The following DYRK1A variants were observed in gnomAD, a reference collection of about 807,000 sequenced individuals.
The protein encoded by DYRK1A is dual specificity tyrosine-phosphorylation-regulated kinase 1A.
In DYRK1A, 9 loss-of-function variants were observed where a neutral mutation model predicts 79.7. That is an observed-to-expected ratio of 0.11 (90% CI 0.07 to 0.20). DYRK1A has a LOEUF of 0.20. DYRK1A is among the 10% of genes least tolerant of loss of function. The pLI is 1.00. For missense variants in DYRK1A, 622 were observed against 956.0 expected (o/e 0.65, Z 4.61); for synonymous variants, 349 against 329.7 (o/e 1.06, Z -0.63).
intron 7 of DYRK1A, among the ~76,000 whole-genome samples, chr21:37,491,438 C>T (rs948530017): frequency 7.2e-5 from 11 of 152,082 alleles, no homozygotes; most frequent in Non-Finnish European, 1.3e-4. Flanking sequence ...GTTAATTTTT[C>T]TTACTGACTT....
chr21:37,400,602 A>G (rs754845638), intron 1 of DYRK1A, among the ~76,000 whole-genome samples: 6 of 152,202 alleles, frequency 3.9e-5, no homozygotes, highest in African/African-American at 1.4e-4. Context: ...TCTGTTTTTT[A>G]TAACAATGGT....
chr21:37,384,809 C>A (rs2049728307), intron 1 of DYRK1A, among the ~76,000 whole-genome samples: 1 of 152,080 alleles, frequency 6.6e-6, no homozygotes, highest in African/African-American at 2.4e-5. Flanking sequence ...AGACCCAGAT[C>A]AAACTTTTAG....
intron 2 of DYRK1A, among the ~76,000 whole-genome samples, chr21:37,438,251 C>G (rs1020912466): frequency 1.3e-5 from 2 of 152,118 alleles, no homozygotes; most frequent in African/African-American, 4.8e-5. Flanking sequence ...AGCTTTTCTC[C>G]TAGTCCATGG....
intron 1 of DYRK1A, among the ~76,000 whole-genome samples, chr21:37,413,407 A>G (rs2050278142): frequency 6.6e-6 from 1 of 152,128 alleles, no homozygotes; most frequent in Non-Finnish European, 1.5e-5. Context: ...TACATTTTAT[A>G]TATAAATTAT....
At chr21:37,498,806 G>A (rs555552360) in intron 9 of DYRK1A, among the ~76,000 whole-genome samples, 13 of 152,268 alleles carry the variant, frequency 8.5e-5, no homozygotes, top group South Asian at 8.3e-4. Flanking sequence ...TTCCAGTTGC[G>A]TGACATCCTC....
chr21:37,392,582 C>T (rs1047126895), intron 1 of DYRK1A, among the ~76,000 whole-genome samples: 18 of 152,288 alleles, frequency 1.2e-4, no homozygotes, highest in African/African-American at 3.9e-4. Context: ...TGCCTCTTGC[C>T]GTGTCCTCAC....
At position 37,435,698 on chromosome 21, in the gene DYRK1A, C is replaced by T. The variant is rs180934968; in HGVS notation, c.10+15314C>T. On this transcript the variant is annotated intron_variant, in intron 2 of 11. Coordinates refer to ENST00000647188, the MANE Select transcript of DYRK1A (RefSeq NM_001347721.2). ...GAAACAGTACCCTTGTAGTAAGTAGCATGCTTGATTTTTCTTATGACTTTG... is the reference window on the plus strand; with the variant it reads ...GAAACAGTACCCTTGTAGTAAGTAGTATGCTTGATTTTTCTTATGACTTTG... Among the ~76,000 whole-genome samples the T allele has an allele frequency of 4.5e-3, 684 of 152,244 alleles. 5 individuals are homozygous for T. The highest frequency in any genetic ancestry group is 0.012 in the South Asian group (58 of 4,826).
chr21:37,397,216 A>G (rs545438327), intron 1 of DYRK1A, among the ~76,000 whole-genome samples: 2 of 152,314 alleles, frequency 1.3e-5, no homozygotes, highest in East Asian at 1.9e-4. Context: ...GGCTACCATT[A>G]CTATGGAAGA....
Position 37,493,933 on chromosome 21 carries a change from CTTTTT to C in DYRK1A, c.1071+787_1071+791del, listed in dbSNP as rs35158368. Among the ~76,000 whole-genome samples the C allele has an allele frequency of 2.8e-3, 319 of 114,218 alleles. 1 individual carries two copies. The highest frequency in any genetic ancestry group is 3.7e-3 in the Non-Finnish European group (215 of 57,654). The allele number at this position is 114,218 out of a possible 152,430, so 74.9% of individuals were successfully genotyped here. ...TCTTCCATCCTTCCTTTTAATTCTT[CTTTTT>C]TTTTTTTTTTTTTTTTCCCGGAGAT... On this transcript the variant is annotated intron_variant, in intron 8 of 11. Coordinates refer to ENST00000647188, the MANE Select transcript of DYRK1A (RefSeq NM_001347721.2).
intron 2 of DYRK1A, among the ~76,000 whole-genome samples, chr21:37,441,266 T>C (rs746525676): frequency 6.6e-6 from 1 of 152,190 alleles, no homozygotes; most frequent in Non-Finnish European, 1.5e-5. Flanking sequence ...AATCTATTAA[T>C]GTCTTTGTAT....
chr21:37,482,040 T>A (rs920419831), intron 5 of DYRK1A, among the ~76,000 whole-genome samples: 2 of 152,180 alleles, frequency 1.3e-5, no homozygotes, highest in Non-Finnish European at 2.9e-5. Context: ...ACTTTTGACT[T>A]TTCGATGATG....
rs1601232021 is a variant in DYRK1A, at chr21:37,480,954, A to G, written c.489+128A>G. ...AATAGAGCTCAGCAATGGATATGCA[A>G]GTATTTGGATGACCATAATTCTTTA... is the stretch of plus-strand genomic sequence containing the variant. On this transcript the variant is annotated intron_variant, in intron 5 of 11. Coordinates refer to ENST00000647188, the MANE Select transcript of DYRK1A (RefSeq NM_001347721.2). 7.3e-6 allele frequency: 5 copies of G among 684,820 alleles called. No individual in the cohort carries two copies. The African/African-American group carries it at 7.4e-5, about 10-fold the overall frequency. The allele number at this position is 684,820 out of a possible 1,614,324, so 42.4% of individuals were successfully genotyped here. A position where few individuals can be genotyped will look rare whatever the true frequency, so the allele number is the denominator to read the frequency against.
intron 2 of DYRK1A, among the ~76,000 whole-genome samples, chr21:37,442,579 T>C (rs1434387494): frequency 6.6e-6 from 1 of 152,140 alleles, no homozygotes; most frequent in Non-Finnish European, 1.5e-5. Context: ...TTCTATTTCA[T>C]CATCTCCTCC....
chr21:37,490,831 G>A (rs1346966862), intron 7 of DYRK1A, among the ~76,000 whole-genome samples: 1 of 151,942 alleles, frequency 6.6e-6, no homozygotes, highest in Non-Finnish European at 1.5e-5. Context: ...AAAAGATTAA[G>A]GGAGAGAATA....
At chr21:37,414,023 C>G (rs1277990261) in intron 1 of DYRK1A, among the ~76,000 whole-genome samples, 1 of 151,794 alleles carries the variant, frequency 6.6e-6, no homozygotes, top group Non-Finnish European at 1.5e-5. Flanking sequence ...GTACTGTGCA[C>G]CTGGTAAAAT....
At chr21:37,373,927 C>T (rs867916572) in intron 1 of DYRK1A, among the ~76,000 whole-genome samples, 1 of 152,098 alleles carries the variant, frequency 6.6e-6, no homozygotes, top group East Asian at 1.9e-4. Flanking sequence ...CAATGGATTG[C>T]ATTAGTTAAT....
intron 6 of DYRK1A, chr21:37,487,624 A>C (rs769345420): frequency 6.6e-6 from 1 of 152,154 alleles, no homozygotes; most frequent in South Asian, 2.1e-4. Flanking sequence ...AGTTTTATTT[A>C]ACAGATCTTT....
At chr21:37,392,458 A>G (rs1036793940) in intron 1 of DYRK1A, among the ~76,000 whole-genome samples, 3 of 152,250 alleles carry the variant, frequency 2.0e-5, no homozygotes, top group Non-Finnish European at 2.9e-5. Context: ...CTTGGACTGA[A>G]TAATTTATAA....
rs946221033 is a variant in DYRK1A at position 37,516,354 on chromosome 21, C to T, written c.*3823C>T. On this transcript the variant is annotated 3_prime_UTR_variant, in exon 12 of 12. Transcript: ENST00000647188. ...CTGCTAGGGATGTCTGTTGACCAGA[C>T]GTTGGAAAACCTTTGGTGTCAGGGA... is the stretch of plus-strand genomic sequence containing the variant. 3 of 152,130 alleles carry T rather than the reference C, an allele frequency of 2.0e-5. No homozygotes were observed. The highest frequency in any genetic ancestry group is 6.6e-5 in the Admixed American group (1 of 15,264). The allele number at this position is 152,130 out of a possible 1,614,324, so 9.4% of individuals were successfully genotyped here.
Sources: gnomAD v4.1 joint callset for allele counts (sites outside exome capture counted in the v4.1 genomes callset) on GRCh38, gnomAD v4.1.1 for gene constraint, MANE v1.5 for transcripts, NCBI Gene and HGNC (gene_info 2026-07-23, HGNC 2026-07-21) for gene names.